The following FGF12 variants were observed in gnomAD, a reference collection of about 807,000 sequenced individuals.
FGF12 encodes the protein fibroblast growth factor 12B.
A neutral mutation model predicts 23.6 loss-of-function variants in FGF12; 14 were observed. The ratio of observed to expected loss-of-function variants is 0.59; its 90% CI spans 0.39 to 0.93. FGF12 has a LOEUF of 0.93. Among genes scored for constraint, FGF12 ranks in the 40% least tolerant of loss-of-function variants. FGF12 has a pLI of 0.00. For synonymous variants in FGF12, 62 were observed against 77.3 expected (o/e 0.80, Z 1.04); for missense variants, 175 against 217.8 (o/e 0.80, Z 1.24).
At chr3:192,451,930 G>A (rs1264459313) in intron 2 of FGF12, among the ~76,000 whole-genome samples, 1 of 152,154 alleles carries the variant, frequency 6.6e-6, no homozygotes, top group Non-Finnish European at 1.5e-5. Flanking sequence ...TAGAATGTTT[G>A]CCTTAAAGTA....
chr3:192,598,719 A>G (rs1283425471), intron 2 of FGF12, among the ~76,000 whole-genome samples: 1 of 152,194 alleles, frequency 6.6e-6, no homozygotes, highest in Non-Finnish European at 1.5e-5. Context: ...TAGATGTGTA[A>G]TTATTAAATG....
chr3:192,330,019 A>G (rs1717026087), intron 4 of FGF12, among the ~76,000 whole-genome samples: 1 of 152,170 alleles, frequency 6.6e-6, no homozygotes, highest in South Asian at 2.1e-4. Flanking sequence ...CTTCCTTTCT[A>G]AAAGGCACTG....
rs574769196 is a variant in FGF12, at chr3:192,315,815, C to T, written c.228+19546G>A. On this transcript the variant is annotated intron_variant, in intron 4 of 5. Coordinates refer to ENST00000445105, the MANE Select transcript of FGF12 (RefSeq NM_004113.6). ...AGCAAGGCCATAACTCTTCAGAAGG[C>T]CATTGTGTGATGCTTTGGCAGGAAC... Among the ~76,000 whole-genome samples, 8 of 152,260 alleles carry T rather than the reference C, an allele frequency of 5.3e-5. No homozygotes were observed. In the East Asian group the frequency reaches 1.5e-3, roughly 29 times the overall value.
At chr3:192,556,362 T>C (rs1168923210) in intron 2 of FGF12, among the ~76,000 whole-genome samples, 2 of 152,176 alleles carry the variant, frequency 1.3e-5, no homozygotes, top group Non-Finnish European at 2.9e-5. Context: ...AAGAGAATCA[T>C]GGTAACCATA....
chr3:192,423,631 AT>A (rs1721603737), intron 2 of FGF12, among the ~76,000 whole-genome samples: 1 of 152,184 alleles, frequency 6.6e-6, no homozygotes. Context: ...CATTTTAAAG[AT>A]TATGAAATTG....
chr3:192,308,062 G>A (rs1715741832), intron 4 of FGF12, among the ~76,000 whole-genome samples: 1 of 152,078 alleles, frequency 6.6e-6, no homozygotes, highest in Non-Finnish European at 1.5e-5. Context: ...ATTATCTACA[G>A]CTCTATGCTC....
intron 2 of FGF12, among the ~76,000 whole-genome samples, chr3:192,442,661 C>T (rs1348288889): frequency 1.3e-5 from 2 of 152,154 alleles, no homozygotes; most frequent in Admixed American, 1.3e-4. Flanking sequence ...CTGAATTAAC[C>T]TTCAGTAAAC....
chr3:192,388,191 G>A (rs941382688), intron 2 of FGF12, among the ~76,000 whole-genome samples: 6 of 152,100 alleles, frequency 3.9e-5, no homozygotes, highest in Non-Finnish European at 8.8e-5. Context: ...AGCCCTGGAG[G>A]TCAAGGCTGA....
intron 2 of FGF12, among the ~76,000 whole-genome samples, chr3:192,624,633 T>C (rs535192550): frequency 1.3e-5 from 2 of 152,312 alleles, no homozygotes; most frequent in Admixed American, 1.3e-4. Flanking sequence ...AAAATAATTA[T>C]ATAGCATCTT....
At chr3:192,419,109 T>C (rs1490417216) in intron 2 of FGF12, among the ~76,000 whole-genome samples, 1 of 152,166 alleles carries the variant, frequency 6.6e-6, no homozygotes, top group Non-Finnish European at 1.5e-5. Flanking sequence ...AGGTCCAGAA[T>C]TCAAATCTAG....
At chr3:192,145,646 C>A (rs1713654351) in intron 5 of FGF12, among the ~76,000 whole-genome samples, 1 of 152,156 alleles carries the variant, frequency 6.6e-6, no homozygotes, top group Non-Finnish European at 1.5e-5. Context: ...TGTAAATTAG[C>A]CACATATATT....
chr3:192,271,918 G>A (rs550713523), intron 4 of FGF12, among the ~76,000 whole-genome samples: 6 of 152,134 alleles, frequency 3.9e-5, no homozygotes, highest in East Asian at 1.9e-4. Context: ...TTACTGAGAC[G>A]TCTTAAAACG....
At chr3:192,198,847 C>G (rs1187960148) in intron 4 of FGF12, among the ~76,000 whole-genome samples, 2 of 152,202 alleles carry the variant, frequency 1.3e-5, no homozygotes, top group African/African-American at 4.8e-5. Flanking sequence ...CTCAGCTTCT[C>G]TGGACACTAC....
At chr3:192,398,687 T>C (rs1246181873) in intron 2 of FGF12, among the ~76,000 whole-genome samples, 1 of 152,208 alleles carries the variant, frequency 6.6e-6, no homozygotes, top group Admixed American at 6.5e-5. Flanking sequence ...TATATTCTTA[T>C]ATATAGCTCC....
At chr3:192,705,809 G>T (rs1718449592) in intron 2 of FGF12, among the ~76,000 whole-genome samples, 1 of 152,024 alleles carries the variant, frequency 6.6e-6, no homozygotes, top group East Asian at 1.9e-4. Context: ...AATGACACGA[G>T]GCATCCCTGT....
chr3:192,288,353 AC>A (rs1714571801), intron 4 of FGF12, among the ~76,000 whole-genome samples: 1 of 152,052 alleles, frequency 6.6e-6, no homozygotes, highest in Admixed American at 6.6e-5. Flanking sequence ...AATTACATAA[AC>A]CATCTAGGTA....
chr3:192,166,424 A>G (rs1217163080), intron 5 of FGF12, among the ~76,000 whole-genome samples: 1 of 152,212 alleles, frequency 6.6e-6, no homozygotes, highest in Non-Finnish European at 1.5e-5. Context: ...AAGATCATTT[A>G]CTAGGTCCCA....
chr3:192,459,849 GTGTGTGTGTT>G (rs940690959), intron 2 of FGF12, among the ~76,000 whole-genome samples: 25 of 151,994 alleles, frequency 1.6e-4, no homozygotes, highest in African/African-American at 6.0e-4. Context: ...GTGTGTGTGT[GTGTGTGTGTT>G]TGTGTGTGTG....
In FGF12 at chr3:192,413,819, G is replaced by C. The variant is rs1450389880; in HGVS notation, c.14-53281C>G. ...AAGTCGGGTGAATATGAGCTCACTG[G>C]GCTCTGCCACAGCAAATGGAAGAAG... On this transcript the variant is annotated intron_variant, in intron 2 of 5. Transcript: ENST00000445105. 2.0e-5 allele frequency among the ~76,000 whole-genome samples: 3 copies of C among 152,106 alleles called. No individual in the cohort carries two copies. In the East Asian group the frequency reaches 5.8e-4, roughly 29 times the overall value.
Sources: allele counts gnomAD v4.1 joint callset (sites outside exome capture counted in the v4.1 genomes callset), GRCh38; gene constraint gnomAD v4.1.1; transcripts MANE v1.5; gene names NCBI Gene and HGNC (gene_info 2026-07-23, HGNC 2026-07-21).